The following VWA8 variants were observed in gnomAD, a reference collection of about 807,000 sequenced individuals.
VWA8 encodes von Willebrand factor A domain containing 8.
Under a neutral mutation model 241.5 loss-of-function variants are expected in VWA8, and 221 were observed. The observed-to-expected ratio is 0.91, with a 90% CI of 0.82 to 1.02. The LOEUF is 1.02. VWA8 is among the 50% of genes least tolerant of loss of function. The probability of loss-of-function intolerance (pLI) is 0.00; values close to 1 mark genes in which losing one functional copy is unlikely to be tolerated. For synonymous variants in VWA8, 852 were observed against 827.1 expected, an observed-to-expected ratio of 1.03 and a Z score of -0.52; for missense variants, 2,322 against 2,328.7, an observed-to-expected ratio of 1.00 and a Z score of 0.06.
At chr13:41,918,082 A>G (rs573908099) in intron 2 of VWA8, among the ~76,000 whole-genome samples, 19 of 152,362 alleles carry the variant, frequency 1.2e-4, no homozygotes, top group Non-Finnish European at 2.1e-4. Flanking sequence ...AACTAACTGA[A>G]CTAAAAAATT....
At chr13:41,833,264 A>T in intron 13 of VWA8, 107 bp downstream of exon 13, 2 of 1,329,952 alleles carry the variant, frequency 1.5e-6, no homozygotes, top group Non-Finnish European at 9.8e-7. Context: ...TTCAGGATCT[A>T]CACAACCCAG....
chr13:41,685,782 G>A (rs1177586066), intron 34 of VWA8, among the ~76,000 whole-genome samples: 1 of 152,018 alleles, frequency 6.6e-6, no homozygotes, highest in Non-Finnish European at 1.5e-5. Context: ...AAAGCCCTGG[G>A]AGGGCTTCAA....
chr13:41,612,456 T>G (rs146986240), intron 38 of VWA8, among the ~76,000 whole-genome samples: 35 of 152,354 alleles, frequency 2.3e-4, no homozygotes, highest in Middle Eastern at 6.8e-3. Flanking sequence ...AACATAACAT[T>G]GTATGAACTG....
intron 20 of VWA8, among the ~76,000 whole-genome samples, chr13:41,769,315 A>C (rs1377304768): frequency 1.3e-5 from 2 of 152,202 alleles, no homozygotes; most frequent in Admixed American, 1.3e-4. Context: ...GTCACATTAG[A>C]GCTAAATGGT....
At chr13:41,717,593 AT>A (rs1270374732) in intron 26 of VWA8, among the ~76,000 whole-genome samples, 2 of 151,920 alleles carry the variant, frequency 1.3e-5, no homozygotes, top group Admixed American at 1.3e-4. Flanking sequence ...TTTGATAGAA[AT>A]TGCTACACTT....
chr13:41,817,351 A>G (rs1870741538), intron 15 of VWA8, among the ~76,000 whole-genome samples: 1 of 152,212 alleles, frequency 6.6e-6, no homozygotes, highest in African/African-American at 2.4e-5. Context: ...AATAACACAT[A>G]TCGATTGCTT....
At chr13:41,890,560 C>T (rs1291290156) in intron 5 of VWA8, among the ~76,000 whole-genome samples, 1 of 152,200 alleles carries the variant, frequency 6.6e-6, no homozygotes, top group Non-Finnish European at 1.5e-5. Context: ...ATGCATGTTT[C>T]TCACAGCATT....
intron 17 of VWA8, among the ~76,000 whole-genome samples, chr13:41,795,606 C>G (rs1249116059): frequency 6.6e-6 from 1 of 152,154 alleles, no homozygotes; most frequent in Non-Finnish European, 1.5e-5. Flanking sequence ...CCATAGAATA[C>G]TATGTAGCCA....
chr13:41,672,300 T>C (rs1164490888), intron 36 of VWA8, among the ~76,000 whole-genome samples: 2 of 152,236 alleles, frequency 1.3e-5, no homozygotes, highest in African/African-American at 4.8e-5. Context: ...TGTATATGTG[T>C]GTATATATAT....
intron 37 of VWA8, among the ~76,000 whole-genome samples, chr13:41,640,557 A>T (rs1271478682): frequency 6.6e-6 from 1 of 152,262 alleles, no homozygotes; most frequent in South Asian, 2.1e-4. Flanking sequence ...GCTGAAACAT[A>T]CAAGAGATCA....
At chr13:41,764,725 G>C (rs1310749212) in intron 20 of VWA8, among the ~76,000 whole-genome samples, 1 of 152,106 alleles carries the variant, frequency 6.6e-6, no homozygotes, top group African/African-American at 2.4e-5. Context: ...TCAGAAGCTA[G>C]AGAAAAGTGA....
chr13:41,819,364 AG>A lies in VWA8; in HGVS notation c.1722del (p.Ser575ProfsTer26). 1 of 1,603,728 alleles carries A rather than the reference AG, an allele frequency of 6.2e-7. No homozygotes were observed. The highest frequency in any genetic ancestry group is 8.5e-7 in the Non-Finnish European group (1 of 1,177,684). The stretch of plus-strand genomic sequence containing the variant: ...TCTGCCAAGGCAATGATTCTGAAGG[AG>A]GGATGGATAGGAAAAATGGATCTAA... ...LQKRSIFPIHPSFRIIALAEP... is the reference protein window; with the variant it reads ...LQKRSIFPIHXSFRIIALAEP... On this transcript the variant is annotated frameshift_variant, in exon 15 of 45. Transcript: ENST00000379310. LOFTEE classifies it high-confidence loss of function.
rs1871169173 is a variant in VWA8, at chr13:41,826,369, A to G, written c.1700+4160T>C. Among the ~76,000 whole-genome samples, 2 of 152,354 alleles carry G rather than the reference A, an allele frequency of 1.3e-5. 1 individual carries two copies. Among genetic ancestry groups the G allele is most frequent in the African/African-American group, 4.8e-5 (2 of 41,594 alleles). On this transcript the variant is annotated intron_variant, in intron 14 of 44. Transcript: ENST00000379310. ...GTTAAGGACAGACCAAGATCCTGAC[A>G]GAACATAATAGAGAAAATAAAATAA...
At chr13:41,610,513 C>G (rs1165413605) in intron 39 of VWA8, among the ~76,000 whole-genome samples, 1 of 152,144 alleles carries the variant, frequency 6.6e-6, no homozygotes, top group Non-Finnish European at 1.5e-5. Flanking sequence ...AGGGTCTGAG[C>G]TGGCAGGCTT....
At chr13:41,926,180 G>T (rs769595236) in intron 2 of VWA8, 1 of 635,716 alleles carries the variant, frequency 1.6e-6, no homozygotes, top group Non-Finnish European at 2.9e-6. Context: ...AGGGTGAGCT[G>T]AGCATCATTC....
At chr13:41,729,117 G>C (rs2045460265) in intron 23 of VWA8, among the ~76,000 whole-genome samples, 1 of 151,900 alleles carries the variant, frequency 6.6e-6, no homozygotes. Context: ...CCTAAGGTAG[G>C]AGTGTGTGTG....
chr13:41,839,810 C>T (rs1333398568), intron 12 of VWA8, among the ~76,000 whole-genome samples: 1 of 152,150 alleles, frequency 6.6e-6, no homozygotes, highest in Non-Finnish European at 1.5e-5. Flanking sequence ...AGCATGATGC[C>T]TCCAGCTTTG....
At chr13:41,802,468 G>A (rs899922609) in intron 17 of VWA8, among the ~76,000 whole-genome samples, 3 of 152,156 alleles carry the variant, frequency 2.0e-5, no homozygotes, top group South Asian at 2.1e-4. Context: ...ATGCTGAGTC[G>A]GTAGAGTTGG....
intron 3 of VWA8, among the ~76,000 whole-genome samples, chr13:41,910,322 G>C (rs879279253): frequency 6.6e-6 from 1 of 152,010 alleles, no homozygotes; most frequent in Non-Finnish European, 1.5e-5. Context: ...GGCCGGGCAC[G>C]GTGGCTGTAA....
Sources: gnomAD v4.1 joint callset for allele counts (sites outside exome capture counted in the v4.1 genomes callset) on GRCh38, gnomAD v4.1.1 for gene constraint, MANE v1.5 for transcripts, NCBI Gene and HGNC (gene_info 2026-07-23, HGNC 2026-07-21) for gene names.